AMD1: variants seen among roughly 807,000 people sequenced by gnomAD.
AMD1 encodes the protein S-adenosylmethionine decarboxylase proenzyme.
Under a neutral mutation model 40.2 loss-of-function variants are expected in AMD1, and 11 were observed. That is an observed-to-expected ratio of 0.27 (90% CI 0.17 to 0.45). AMD1 has a LOEUF of 0.45. Among genes scored for constraint, AMD1 ranks in the 20% least tolerant of loss-of-function variants. The pLI, the probability that AMD1 is intolerant of heterozygous loss-of-function variation, is 1.00. For missense variants in AMD1, 257 were observed against 410.2 expected (o/e 0.63, Z 3.23); for synonymous variants, 121 against 130.8 (o/e 0.93, Z 0.51).
the AMD1 span, among the ~76,000 whole-genome samples, chr6:110,827,350 C>T: frequency 6.6e-6 from 1 of 151,150 alleles, no homozygotes; most frequent in African/African-American, 2.4e-5. Context: ...ACTGTGTTGC[C>T]CAAGCTTGTT....
chr6:110,858,160 T>C, the AMD1 span: 1 of 602,048 alleles, frequency 1.7e-6, no homozygotes, highest in Non-Finnish European at 3.1e-6. Flanking sequence ...AAAATATCCC[T>C]AGAGGAGTGC....
the AMD1 span, among the ~76,000 whole-genome samples, chr6:110,853,114 CTTTTCTTTCTTT>C: frequency 6.9e-6 from 1 of 145,834 alleles, no homozygotes; most frequent in South Asian, 2.2e-4. Context: ...TCTATTTTTT[CTTTTCTTTCTTT>C]TTTTCTTTTT....
chr6:110,843,883 C>T, the AMD1 span, among the ~76,000 whole-genome samples: 128 of 152,212 alleles, frequency 8.4e-4, no homozygotes, highest in African/African-American at 1.1e-3. Flanking sequence ...CCACGGAGCT[C>T]GGCCCCTTTT....
In AMD1 at chr6:110,892,975, C is replaced by G. The variant is rs1388440406; in HGVS notation, c.774C>G (p.Asn258Lys). 6.2e-7 allele frequency: 1 copy of G among 1,614,036 alleles called. No homozygotes were observed. ...PEFSYVSFET[N>K]LSQTSYDDLI... is the part of the protein sequence containing the mutation. Reference sequence around the variant, plus strand: ...TTTCTTATGTTAGCTTTGAAACAAACTTAAGTCAGACCTCCTATGATGACC... The same window carrying G: ...TTTCTTATGTTAGCTTTGAAACAAAGTTAAGTCAGACCTCCTATGATGACC... Residue 258 changes from asparagine to lysine, a missense_variant, in exon 8 of 9, where the codon AAC becomes AAG. Transcript: ENST00000368885.
upstream of AMD1, among the ~76,000 whole-genome samples, chr6:110,872,374 T>A (rs76230420): frequency 0.037 from 5,644 of 152,186 alleles, 132 homozygotes; most frequent in Middle Eastern, 0.071. Context: ...AAAGGGAAGA[T>A]GTACAATCAG....
At chr6:110,890,938 C>T (rs1785982533) in intron 4 of AMD1, 2 of 152,108 alleles carry the variant, frequency 1.3e-5, no homozygotes, top group South Asian at 2.1e-4. Context: ...ATTATGTATA[C>T]ACATGTAAAA....
the AMD1 span, among the ~76,000 whole-genome samples, chr6:110,855,286 T>C: frequency 2.0e-5 from 3 of 152,044 alleles, no homozygotes; most frequent in Non-Finnish European, 4.4e-5. Flanking sequence ...AACTATATAC[T>C]ATATATTAAA....
Position 110,893,963 on chromosome 6 carries a change from C to A in AMD1, c.*347C>A. The A allele has an allele frequency of 4.6e-6, 1 of 216,974 alleles. No homozygotes were observed. Among genetic ancestry groups the A allele is most frequent in the South Asian group, 7.5e-5 (1 of 13,382 alleles). 13.4% of individuals were successfully genotyped at this position (216,974 alleles called of 1,614,324 possible). A position where few individuals can be genotyped will look rare whatever the true frequency, so the allele number is the denominator to read the frequency against. On this transcript the variant is annotated 3_prime_UTR_variant, in exon 9 of 9. Coordinates refer to ENST00000368885, the MANE Select transcript of AMD1 (RefSeq NM_001634.6). ...AGTGTAATATTTCTCCAAGTATCAT[C>A]CAAAATTCCCCACAGACAAGGCTTT... is the stretch of plus-strand genomic sequence containing the variant.
chr6:110,884,172 A>G (rs1317751532), intron 1 of AMD1, among the ~76,000 whole-genome samples: 1 of 152,230 alleles, frequency 6.6e-6, no homozygotes, highest in Non-Finnish European at 1.5e-5. Context: ...GTTCATAACA[A>G]ACCTGACACT....
At chr6:110,838,073 A>C in the AMD1 span, among the ~76,000 whole-genome samples, 1 of 151,274 alleles carries the variant, frequency 6.6e-6, no homozygotes, top group Admixed American at 6.6e-5. Flanking sequence ...CAAAAAAAAA[A>C]AAAAAAAAAT....
chr6:110,841,010 A>G, the AMD1 span, among the ~76,000 whole-genome samples: 1 of 152,098 alleles, frequency 6.6e-6, no homozygotes, highest in African/African-American at 2.4e-5. Context: ...GCAAAATAAG[A>G]ATCCTACTTT....
chr6:110,858,303 T>C, the AMD1 span: 1 of 881,168 alleles, frequency 1.1e-6, no homozygotes, highest in Non-Finnish European at 1.9e-6. Context: ...AAGAACCGGC[T>C]CCTGTGCAAA....
chr6:110,822,771 T>C, the AMD1 span, among the ~76,000 whole-genome samples: 1 of 152,016 alleles, frequency 6.6e-6, no homozygotes, highest in Non-Finnish European at 1.5e-5. Flanking sequence ...GCAGGAATGG[T>C]TCAATATACA....
the AMD1 span, among the ~76,000 whole-genome samples, chr6:110,826,271 C>CAAAAAA: frequency 1.7e-5 from 1 of 59,352 alleles, no homozygotes; most frequent in African/African-American, 6.9e-5. Context: ...GACACCATCC[C>CAAAAAA]AAAAAAAAAA....
chr6:110,834,076 G>GC, the AMD1 span, among the ~76,000 whole-genome samples: 2 of 152,128 alleles, frequency 1.3e-5, no homozygotes, highest in Non-Finnish European at 2.9e-5. Context: ...GACCACAGGC[G>GC]CCAGCCATCA....
At chr6:110,888,712 G>C (rs1020224649) in intron 2 of AMD1, 145 bp from the exon 3 acceptor site, 1 of 738,932 alleles carries the variant, frequency 1.4e-6, no homozygotes, top group East Asian at 2.8e-5. Context: ...ACTAGAAAAG[G>C]AAAAGAATAA....
the AMD1 span, among the ~76,000 whole-genome samples, chr6:110,827,340 A>G: frequency 6.8e-6 from 1 of 146,942 alleles, no homozygotes; most frequent in Non-Finnish European, 1.5e-5. Context: ...GGTGGGTTTC[A>G]CTGTGTTGCC....
chr6:110,860,866 C>CAG, the AMD1 span, among the ~76,000 whole-genome samples: 2 of 145,440 alleles, frequency 1.4e-5, no homozygotes, highest in African/African-American at 5.4e-5. Flanking sequence ...CACACACACA[C>CAG]ACACAGAGAG....
At chr6:110,836,012 C>CAAAAAAA in the AMD1 span, among the ~76,000 whole-genome samples, 5 of 60,748 alleles carry the variant, frequency 8.2e-5, no homozygotes, top group Non-Finnish European at 9.7e-5. Flanking sequence ...GACCTTGACT[C>CAAAAAAA]AAAAAAAAAA....
Sources: gnomAD v4.1 joint callset for allele counts (sites outside exome capture counted in the v4.1 genomes callset) on GRCh38, gnomAD v4.1.1 for gene constraint, MANE v1.5 for transcripts, NCBI Gene and HGNC (gene_info 2026-07-23, HGNC 2026-07-21) for gene names.